Variants in ST3GAL1 observed in about 807,000 individuals in gnomAD.
The protein encoded by ST3GAL1 is ST3 beta-galactoside alpha-2,3-sialyltransferase 1.
A neutral mutation model predicts 34.1 loss-of-function variants in ST3GAL1; 16 were observed. The ratio of observed to expected loss-of-function variants is 0.47; its 90% confidence interval spans 0.32 to 0.71. The LOEUF (loss-of-function observed/expected upper bound fraction) is 0.71, where lower values mean the gene tolerates loss of function less well. Among genes scored for constraint, ST3GAL1 ranks in the 30% least tolerant of loss-of-function variants. ST3GAL1 has a pLI of 0.04. For missense variants in ST3GAL1, 353 were observed against 447.4 expected (o/e 0.79, Z 1.90); for synonymous variants, 191 against 184.7 (o/e 1.03, Z -0.28).
chr8:133,536,021 T>C (rs758090016), intron 2 of ST3GAL1, among the ~76,000 whole-genome samples: 1 of 152,182 alleles, frequency 6.6e-6, no homozygotes, highest in Non-Finnish European at 1.5e-5. Flanking sequence ...ATCCTGGAGT[T>C]TGGTGCTGTT....
At chr8:133,531,791 T>A (rs914718266) in intron 2 of ST3GAL1, among the ~76,000 whole-genome samples, 40 of 138,198 alleles carry the variant, frequency 2.9e-4, no homozygotes, top group Non-Finnish European at 7.5e-5. Flanking sequence ...CGTTCTGCAC[T>A]TGTATCCCGA....
intron 2 of ST3GAL1, among the ~76,000 whole-genome samples, chr8:133,519,583 A>G (rs894681899): frequency 2.6e-5 from 4 of 152,376 alleles, no homozygotes; most frequent in African/African-American, 9.6e-5. Flanking sequence ...GGATGACAGT[A>G]GTCACCTTAT....
Position 133,488,867 on chromosome 8 carries a change from C to T in ST3GAL1, c.-374+10268G>A, listed in dbSNP as rs527409951. Among the ~76,000 whole-genome samples the T allele has an allele frequency of 2.7e-3, 299 of 111,646 alleles. 2 individuals carry two copies. Among genetic ancestry groups the T allele is most frequent in the African/African-American group, 0.011 (288 of 26,590 alleles). 73.2% of individuals were successfully genotyped at this position (111,646 alleles called of 152,430 possible). The stretch of plus-strand genomic sequence containing the variant: ...GGAAGACTGCAGCGGCACTGGCAGA[C>T]AGGGGGGGCCAGGCAAGGTCTGGTG... On this transcript the variant is annotated intron_variant, in intron 3 of 9. Transcript: ENST00000522652.
chr8:133,494,134 G>A (rs947473182), intron 3 of ST3GAL1, among the ~76,000 whole-genome samples: 2 of 152,158 alleles, frequency 1.3e-5, no homozygotes, highest in African/African-American at 4.8e-5. Flanking sequence ...TCTTATTAAC[G>A]CAGAGAATAA....
intron 1 of ST3GAL1, among the ~76,000 whole-genome samples, chr8:133,557,465 T>G (rs538044873): frequency 1.3e-5 from 2 of 152,112 alleles, no homozygotes; most frequent in South Asian, 2.1e-4. Context: ...CTTGGCAGTA[T>G]CACCCCACGG....
chr8:133,524,127 T>C, intron 2 of ST3GAL1, among the ~76,000 whole-genome samples: 1 of 152,246 alleles, frequency 6.6e-6, no homozygotes, highest in African/African-American at 2.4e-5. Flanking sequence ...GCTCAATTGC[T>C]CCTATACCTT....
chr8:133,492,933 C>A (rs1713464892), intron 3 of ST3GAL1, among the ~76,000 whole-genome samples: 1 of 152,178 alleles, frequency 6.6e-6, no homozygotes, highest in Admixed American at 6.5e-5. Flanking sequence ...CCTCACCCTC[C>A]GTCCAATAAG....
At chr8:133,532,703 GT>G (rs1276654508) in intron 2 of ST3GAL1, among the ~76,000 whole-genome samples, 1 of 152,114 alleles carries the variant, frequency 6.6e-6, no homozygotes, top group African/African-American at 2.4e-5. Flanking sequence ...CTGTTCCTCA[GT>G]ACCGAATGTC....
intron 1 of ST3GAL1, among the ~76,000 whole-genome samples, chr8:133,557,238 G>A (rs1378785826): frequency 1.3e-5 from 2 of 152,194 alleles, no homozygotes; most frequent in Non-Finnish European, 2.9e-5. Flanking sequence ...TGCTCACCGG[G>A]AGGTCTAAAG....
rs570509594 is a variant in ST3GAL1 at position 133,556,772 on chromosome 8, C to T, written c.-581-10846G>A. On this transcript the variant is annotated intron_variant, in intron 1 of 9. Transcript: ENST00000522652. This position sits in a 1 kb window ranked among gnomAD's most constrained non-coding sequence, Gnocchi z 8.9. ...CTGGCAAATGTGACCCAGAATGCCA[C>T]CACTAACAGTCCTATTTATAGCCCT... Among the ~76,000 whole-genome samples, 10 of 152,242 alleles carry T rather than the reference C, an allele frequency of 6.6e-5. No individual in the cohort carries two copies. The highest frequency in any genetic ancestry group is 2.6e-4 in the Admixed American group (4 of 15,294).
At chr8:133,520,331 C>T (rs1182648778) in intron 2 of ST3GAL1, among the ~76,000 whole-genome samples, 1 of 152,206 alleles carries the variant, frequency 6.6e-6, no homozygotes, top group African/African-American at 2.4e-5. Context: ...TGGTGAATTC[C>T]ATCTTGCTGG....
At chr8:133,488,473 A>T (rs1816682143) in intron 3 of ST3GAL1, 1 of 152,286 alleles carries the variant, frequency 6.6e-6, no homozygotes. Flanking sequence ...TAAGATTGTA[A>T]CAGAGAAGTC....
intron 2 of ST3GAL1, among the ~76,000 whole-genome samples, chr8:133,523,807 G>A (rs890467895): frequency 2.0e-5 from 3 of 152,246 alleles, no homozygotes; most frequent in Non-Finnish European, 4.4e-5. Context: ...GTCTCTCGAA[G>A]TGGGAGTGTA....
intron 3 of ST3GAL1, among the ~76,000 whole-genome samples, chr8:133,495,004 CA>C (rs1293072042): frequency 6.8e-6 from 1 of 147,028 alleles, no homozygotes; most frequent in Admixed American, 7.0e-5. Context: ...CTGCAACCTT[CA>C]CCTCCTGGGT....
rs1014895049 is a variant in ST3GAL1 at position 133,456,940 on chromosome 8, C to G, written c.*2824G>C. ...TCTGACTTGTGCTATCTGTCCCAGA[C>G]AGTTCACGACTGCCCGTCACTTCCC... On this transcript the variant is annotated 3_prime_UTR_variant, in exon 10 of 10. Coordinates refer to ENST00000522652, the MANE Select transcript of ST3GAL1 (RefSeq NM_173344.3). 15 of 152,336 alleles carry G rather than the reference C, an allele frequency of 9.8e-5. No individual in the cohort carries two copies. The highest frequency in any genetic ancestry group is 3.4e-4 in the African/African-American group (14 of 41,476). The allele number at this position is 152,336 out of a possible 1,614,324, so 9.4% of individuals were successfully genotyped here. A position where few individuals can be genotyped will look rare whatever the true frequency, so the allele number is the denominator to read the frequency against.
At chr8:133,537,593 G>A (rs772289077) in intron 2 of ST3GAL1, among the ~76,000 whole-genome samples, 1 of 152,206 alleles carries the variant, frequency 6.6e-6, no homozygotes, top group Admixed American at 6.5e-5. Flanking sequence ...TAAGCTCCAA[G>A]GGCTGGAGAA....
At position 133,554,767 on chromosome 8, in the gene ST3GAL1, G is replaced by C. The variant is rs563236903; in HGVS notation, c.-581-8841C>G. Among the ~76,000 whole-genome samples, 3 of 143,836 alleles carry C rather than the reference G, an allele frequency of 2.1e-5. No individual in the cohort carries two copies. In the Admixed American group the frequency reaches 2.1e-4, roughly 10 times the overall value. 94.4% of individuals were successfully genotyped at this position (143,836 alleles called of 152,430 possible). On this transcript the variant is annotated intron_variant, in intron 1 of 9. Coordinates refer to ENST00000522652, the MANE Select transcript of ST3GAL1 (RefSeq NM_173344.3). ...TTTTGAGTCGGAGTCTTGCTCTGTC[G>C]CCAGGGTGGAGTGCAGTGGCGCGAT... is the stretch of plus-strand genomic sequence containing the variant.
At chr8:133,502,508 C>A (rs1273191112) in intron 2 of ST3GAL1, among the ~76,000 whole-genome samples, 1 of 151,992 alleles carries the variant, frequency 6.6e-6, no homozygotes, top group Admixed American at 6.5e-5. Flanking sequence ...TAGAAGGCTG[C>A]CATTTGCAAG....
At chr8:133,463,264 C>CT (rs1815578797) in intron 8 of ST3GAL1, 150 bp downstream of exon 8, 1 of 845,606 alleles carries the variant, frequency 1.2e-6, no homozygotes, top group Non-Finnish European at 1.9e-6. Context: ...TGTTTGACCT[C>CT]TTCCCCCAGG....
Sources: allele counts gnomAD v4.1 joint callset (sites outside exome capture counted in the v4.1 genomes callset), GRCh38; gene constraint gnomAD v4.1.1; non-coding constraint Gnocchi (gnomAD v3.1); transcripts MANE v1.5; gene names NCBI Gene and HGNC (gene_info 2026-07-23, HGNC 2026-07-21).